PIEZO1: variants seen among roughly 807,000 people sequenced by gnomAD.
The protein encoded by PIEZO1 is piezo type mechanosensitive ion channel component 1 (Er blood group).
Under a neutral mutation model 297.2 loss-of-function variants are expected in PIEZO1, and 296 were observed. The ratio of observed to expected loss-of-function variants is 1.00; its 90% CI spans 0.91 to 1.10. PIEZO1 has a LOEUF of 1.10. Among genes scored for constraint, PIEZO1 ranks in the 50% least tolerant of loss-of-function variants. The probability of loss-of-function intolerance (pLI) is 0.00; values close to 1 mark genes in which losing one functional copy is unlikely to be tolerated. For missense variants in PIEZO1, 5,018 were observed against 3,455.5 expected (o/e 1.45, Z -11.34); for synonymous variants, 2,427 against 1,507.5 (o/e 1.61, Z -14.13).
At chr16:88,737,495 G>A in intron 10 of PIEZO1, 64 bp downstream of exon 10, 1 of 1,193,810 alleles carries the variant, frequency 8.4e-7, no homozygotes, top group East Asian at 2.7e-5. Flanking sequence ...GGCCACCAGG[G>A]GGCAGCACCG....
chr16:88,720,050 C>G lies in PIEZO1; in HGVS notation c.6164+19G>C, dbSNP rs1912318214. On this transcript the variant is annotated intron_variant, in intron 42 of 50. Coordinates refer to ENST00000301015, the MANE Select transcript of PIEZO1 (RefSeq NM_001142864.4). ...CTGCCCCGCCCCTGGAGACCGAGCGCCCCCACGCGTGGGCCCACCTCTCAG... is the reference window on the plus strand; with the variant it reads ...CTGCCCCGCCCCTGGAGACCGAGCGGCCCCACGCGTGGGCCCACCTCTCAG... 1 of 1,549,534 alleles carries G rather than the reference C, an allele frequency of 6.5e-7. No individual in the cohort carries two copies. The highest frequency in any genetic ancestry group is 8.7e-7 in the Non-Finnish European group (1 of 1,146,458).
At chr16:88,778,876 G>A (rs1907796759) in intron 1 of PIEZO1, among the ~76,000 whole-genome samples, 4 of 152,192 alleles carry the variant, frequency 2.6e-5, no homozygotes, top group African/African-American at 4.8e-5. Context: ...GTGGCCCAGG[G>A]AAGGCACCTG....
In PIEZO1 at chr16:88,726,716, G is replaced by C; in HGVS notation, c.3698C>G (p.Ser1233Trp). ...GGTGCGGGGGGGCCGGAGGCTCACC[G>C]ACAGCATGTTCTTGGAGATGATGAC... ...VTVIISKNML[S>W]LLACVFVEQM... Residue 1233 changes from serine to tryptophan, a missense_variant and splice_region_variant, in exon 25 of 51, where the codon TCG becomes TGG. By Grantham distance (177) the Ser-to-Trp change is radical. Transcript: ENST00000301015. 6.5e-7 allele frequency: 1 copy of C among 1,549,628 alleles called. No individual in the cohort carries two copies. The highest frequency in any genetic ancestry group is 8.7e-7 in the Non-Finnish European group (1 of 1,146,510).
chr16:88,738,723 C>T lies in PIEZO1; in HGVS notation c.479G>A (p.Arg160Lys). The T allele has an allele frequency of 6.5e-7, 1 of 1,531,514 alleles. No individual in the cohort carries two copies. Among genetic ancestry groups the T allele is most frequent in the Middle Eastern group, 1.7e-4 (1 of 5,978 alleles). 94.9% of individuals were successfully genotyped at this position (1,531,514 alleles called of 1,614,324 possible). A position where few individuals can be genotyped will look rare whatever the true frequency, so the allele number is the denominator to read the frequency against. The change falls in exon 6 of 51, where the codon AGG (arginine) becomes AAG (lysine). Residue 160 changes from arginine (R) to lysine (K), a missense_variant. Transcript: ENST00000301015. ...PHPRELDDDE[R>K]DVDASPTAGL... The stretch of plus-strand genomic sequence containing the variant: ...TGCCGTCGGGCTGGCATCCACATCC[C>T]TCTCATCATCATCCTGCCAAGGTCA...
chr16:88,726,242 C>T (rs1474596157), intron 27 of PIEZO1, 42 bp downstream of exon 27: 2 of 1,502,942 alleles, frequency 1.3e-6, no homozygotes, highest in Admixed American at 4.2e-5. Flanking sequence ...CCCTCCCAGC[C>T]CCAAGACGGG....
chr16:88,752,482 G>C (rs1262621819), intron 1 of PIEZO1, among the ~76,000 whole-genome samples: 2 of 152,184 alleles, frequency 1.3e-5, no homozygotes, highest in Non-Finnish European at 2.9e-5. Context: ...ATCATCTCAG[G>C]AAACAAAGCT....
At chr16:88,769,276 T>C (rs1308451018) in intron 1 of PIEZO1, among the ~76,000 whole-genome samples, 1 of 152,152 alleles carries the variant, frequency 6.6e-6, no homozygotes, top group East Asian at 1.9e-4. Context: ...GCTCTCAAAC[T>C]CCTGGCCTCA....
Position 88,734,744 on chromosome 16 carries a change from C to T in PIEZO1, c.1903G>A (p.Ala635Thr). The change falls in exon 15 of 51, where the codon GCC (alanine) becomes ACC (threonine). Residue 635 changes from alanine (A) to threonine (T), a missense_variant. By Grantham distance (58) the Ala-to-Thr change is moderately conservative. Coordinates refer to ENST00000301015, the MANE Select transcript of PIEZO1 (RefSeq NM_001142864.4). ...LLKAFWWLVV[A>T]YTMLVLIAVY... ...GCGATGAGGACCAGCATGGTGTAGGCCACCACGAGCCACCAGAAGGCCTTG... is the reference window on the plus strand; with the variant it reads ...GCGATGAGGACCAGCATGGTGTAGGTCACCACGAGCCACCAGAAGGCCTTG... The T allele has an allele frequency of 6.5e-7, 1 of 1,550,184 alleles. No individual in the cohort carries two copies. Among genetic ancestry groups the T allele is most frequent in the Non-Finnish European group, 8.7e-7 (1 of 1,146,864 alleles).
chr16:88,751,655 G>C (rs1015763269), intron 1 of PIEZO1, among the ~76,000 whole-genome samples: 1 of 150,450 alleles, frequency 6.6e-6, no homozygotes, highest in African/African-American at 2.4e-5. Flanking sequence ...AAAGTTTTTT[G>C]ACGATTATAC....
rs1467121372 is a variant in PIEZO1, at chr16:88,749,406, G to A, written c.138C>T (p.Gly46=). The A allele has an allele frequency of 1.3e-6, 2 of 1,519,322 alleles. No homozygotes were observed. The highest frequency in any genetic ancestry group is 1.8e-6 in the Non-Finnish European group (2 of 1,140,248). The allele number at this position is 1,519,322 out of a possible 1,614,324, so 94.1% of individuals were successfully genotyped here. A position where few individuals can be genotyped will look rare whatever the true frequency, so the allele number is the denominator to read the frequency against. ...TACCTTGGAGGCCGCATCGGGTGGG[G>A]CCGGGGAACCAGGGCAGCAGCAGCA... The part of the protein sequence containing the change: ...LFLLLLPWFP[G]PTRCGLQGHT... Residue 46 remains glycine (G), a synonymous_variant, in exon 2 of 51, where the codon GGC becomes GGT. Coordinates refer to ENST00000301015, the MANE Select transcript of PIEZO1 (RefSeq NM_001142864.4).
At position 88,716,830 on chromosome 16, in the gene PIEZO1, C is replaced by A; in HGVS notation, c.6729G>T (p.Leu2243=). The A allele has an allele frequency of 6.5e-7, 1 of 1,550,140 alleles. No homozygotes were observed. The highest frequency in any genetic ancestry group is 8.7e-7 in the Non-Finnish European group (1 of 1,146,946). Residue 2243 remains leucine (L), a synonymous_variant, in exon 46 of 51, where the codon CTG becomes CTT. Coordinates refer to ENST00000301015, the MANE Select transcript of PIEZO1 (RefSeq NM_001142864.4). ...CCGGCTGGGGGTCAAACTGCCGGGA[C>A]AGCTCCTCATAGGCCTGGGCCGTGA... The part of the protein sequence containing the change: ...IPFTAQAYEE[L]SRQFDPQPLA...
At chr16:88,728,123 G>C (rs889963360) in intron 22 of PIEZO1, among the ~76,000 whole-genome samples, 1 of 152,276 alleles carries the variant, frequency 6.6e-6, no homozygotes, top group African/African-American at 2.4e-5. Context: ...AGTGTGCTCT[G>C]CCAAGTGAAA....
chr16:88,721,530 A>G lies in PIEZO1; in HGVS notation c.5403+8T>C. On this transcript the variant is annotated splice_region_variant and intron_variant, in intron 38 of 50. Transcript: ENST00000301015. ...AGCCCCGCATTGCCAGCCAAGGCTCACACTCACCAGCAGCTGGGAGCGGTG... is the reference window on the plus strand; with the variant it reads ...AGCCCCGCATTGCCAGCCAAGGCTCGCACTCACCAGCAGCTGGGAGCGGTG... 6.5e-7 allele frequency: 1 copy of G among 1,546,906 alleles called. No individual in the cohort carries two copies.
At chr16:88,734,837 G>T (rs1242810610) in intron 14 of PIEZO1, 38 bp downstream of exon 14, 8 of 1,550,066 alleles carry the variant, frequency 5.2e-6, no homozygotes, top group Non-Finnish European at 5.2e-6. Context: ...CCGCGGGGAG[G>T]GTCCGTGCCC....
In PIEZO1 at chr16:88,720,542, G is replaced by T. The variant is rs757735078; in HGVS notation, c.5802-10C>A. ...ATATGTGCCCTGGGCCCTGCGGAAG[G>T]GGGCGCTCAGCCTGGGCCCAGTACC... On this transcript the variant is annotated splice_polypyrimidine_tract_variant and intron_variant, in intron 40 of 50. Transcript: ENST00000301015. 2.6e-6 allele frequency: 4 copies of T among 1,549,268 alleles called. No individual in the cohort carries two copies. Among genetic ancestry groups the T allele is most frequent in the Non-Finnish European group, 3.5e-6 (4 of 1,146,854 alleles).
chr16:88,721,859 C>T lies in PIEZO1; in HGVS notation c.5163G>A (p.Ser1721=), dbSNP rs749800419. 82 of 1,549,660 alleles carry T rather than the reference C, an allele frequency of 5.3e-5. 1 individual carries two copies. Among genetic ancestry groups the T allele is most frequent in the Non-Finnish European group, 6.3e-5 (72 of 1,146,734 alleles). The change falls in exon 37 of 51, where the codon TCG becomes TCA. Residue 1721 remains serine, a synonymous_variant. Coordinates refer to ENST00000301015, the MANE Select transcript of PIEZO1 (RefSeq NM_001142864.4). ...AGAAGCGCTTGCTGGGCCTCGGGATCGACAGCATGGCCCACAGGAAGACGA... is the reference window on the plus strand; with the variant it reads ...AGAAGCGCTTGCTGGGCCTCGGGATTGACAGCATGGCCCACAGGAAGACGA... ...PVLVFLWAML[S]IPRPSKRFWM...
chr16:88,747,057 C>G (rs1906099455), intron 2 of PIEZO1, among the ~76,000 whole-genome samples: 1 of 152,322 alleles, frequency 6.6e-6, no homozygotes, highest in African/African-American at 2.4e-5. Context: ...CCCCTGAATT[C>G]TACCCATGAT....
intron 2 of PIEZO1, 101 bp downstream of exon 2, chr16:88,749,283 C>T: frequency 1.4e-6 from 1 of 710,424 alleles, no homozygotes; most frequent in Non-Finnish European, 2.2e-6. Context: ...CATCTTCCAC[C>T]CCGGGCTGTT....
Position 88,725,890 on chromosome 16 carries a change from G to A in PIEZO1, c.3969-206C>T, listed in dbSNP as rs529986994. 5 of 584,466 alleles carry A rather than the reference G, an allele frequency of 8.6e-6. No homozygotes were observed. In the East Asian group the frequency reaches 1.4e-4, roughly 17 times the overall value. 36.2% of individuals were successfully genotyped at this position (584,466 alleles called of 1,614,324 possible). On this transcript the variant is annotated intron_variant, in intron 27 of 50. Transcript: ENST00000301015. ...CAGGCCCTTCTGCCGTACAGATGCA[G>A]GGGCGTCTGGTGGCACCCACCCCAC... is the stretch of plus-strand genomic sequence containing the variant.
Sources: allele counts gnomAD v4.1 joint callset (sites outside exome capture counted in the v4.1 genomes callset), GRCh38; gene constraint gnomAD v4.1.1; transcripts MANE v1.5; gene names NCBI Gene and HGNC (gene_info 2026-07-23, HGNC 2026-07-21).